Variants in FER observed in about 807,000 individuals in gnomAD.
FER encodes tyrosine-protein kinase Fer.
Under a neutral mutation model 111.0 loss-of-function variants are expected in FER, and 63 were observed. The observed-to-expected ratio is 0.57, with a 90% confidence interval of 0.46 to 0.70. The LOEUF (loss-of-function observed/expected upper bound fraction) is 0.70, where lower values mean the gene tolerates loss of function less well. Among genes scored for constraint, FER ranks in the 30% least tolerant of loss-of-function variants. FER has a pLI of 0.00. For synonymous variants in FER, 327 were observed against 313.9 expected, an observed-to-expected ratio of 1.04 and a Z score of -0.44; for missense variants, 914 against 954.0, an observed-to-expected ratio of 0.96 and a Z score of 0.55.
At chr5:108,827,845 C>G (rs1308664121) in intron 3 of FER, among the ~76,000 whole-genome samples, 2 of 137,244 alleles carry the variant, frequency 1.5e-5, no homozygotes, top group East Asian at 2.0e-4. Context: ...TTTTTTTCCC[C>G]CAAGACAGGC....
At chr5:108,883,607 T>G in intron 9 of FER, 89 bp downstream of exon 9, 1 of 1,157,056 alleles carries the variant, frequency 8.6e-7, no homozygotes. Flanking sequence ...GAACCTAACA[T>G]TTCTAGAAAC....
At chr5:108,997,416 CAA>C (rs552848111) in intron 13 of FER, among the ~76,000 whole-genome samples, 1,555 of 107,966 alleles carry the variant, frequency 0.014, 21 homozygotes, top group African/African-American at 0.045. Context: ...GACCCTGTCT[CAA>C]AAAAAAAAAA....
intron 7 of FER, 59 bp from the exon 8 acceptor site, chr5:108,872,034 G>A: frequency 2.0e-6 from 3 of 1,507,124 alleles, no homozygotes; most frequent in African/African-American, 2.8e-5. Context: ...TAGTGTATAT[G>A]AAGATATATT....
chr5:108,935,306 C>A (rs1425157685), intron 10 of FER, among the ~76,000 whole-genome samples: 1 of 152,038 alleles, frequency 6.6e-6, no homozygotes, highest in Non-Finnish European at 1.5e-5. Context: ...TGCTGGAGAT[C>A]CTATCATTCC....
Position 108,910,909 on chromosome 5 carries a change from A to G in FER, c.1236+13061A>G, listed in dbSNP as rs1392537248. 1.3e-5 allele frequency among the ~76,000 whole-genome samples: 2 copies of G among 152,042 alleles called. 1 individual carries two copies. Among genetic ancestry groups the G allele is most frequent in the African/African-American group, 4.8e-5 (2 of 41,398 alleles). On this transcript the variant is annotated intron_variant, in intron 10 of 19. Coordinates refer to ENST00000281092, the MANE Select transcript of FER (RefSeq NM_005246.4). ...CAACTATTGGTGGATATTTAGGTTG[A>G]TTCCATGACTTTGCTATTGTGAAGA... is the stretch of plus-strand genomic sequence containing the variant.
chr5:109,057,993 G>T (rs1773863370), intron 16 of FER, among the ~76,000 whole-genome samples: 1 of 152,032 alleles, frequency 6.6e-6, no homozygotes, highest in South Asian at 2.1e-4. Context: ...TTTTAACAAA[G>T]CAAATTTAAC....
At position 109,191,717 on chromosome 5, in the gene FER, T is replaced by C. The variant is rs367955338; in HGVS notation, c.*4142T>C. On this transcript the variant is annotated 3_prime_UTR_variant, in exon 20 of 20. Transcript: ENST00000281092. Reference sequence around the variant, plus strand: ...TTTATGACTAACTCTGATTTGCTTATACATATCAGAATGATATTCATTAAA... The same window carrying C: ...TTTATGACTAACTCTGATTTGCTTACACATATCAGAATGATATTCATTAAA... 10 of 152,334 alleles carry C rather than the reference T, an allele frequency of 6.6e-5. No homozygotes were observed. In the East Asian group the frequency reaches 7.7e-4, roughly 12 times the overall value. The allele number at this position is 152,334 out of a possible 1,614,324, so 9.4% of individuals were successfully genotyped here. A position where few individuals can be genotyped will look rare whatever the true frequency, so the allele number is the denominator to read the frequency against.
intron 17 of FER, among the ~76,000 whole-genome samples, chr5:109,109,265 C>T (rs1442081343): frequency 6.6e-6 from 1 of 152,096 alleles, no homozygotes; most frequent in East Asian, 1.9e-4. Flanking sequence ...CTTACTATCA[C>T]CTGTTTATTT....
chr5:109,135,936 C>T (rs534394344), intron 17 of FER, among the ~76,000 whole-genome samples: 1 of 152,102 alleles, frequency 6.6e-6, no homozygotes, highest in Non-Finnish European at 1.5e-5. Context: ...CCGGGCCATC[C>T]CAGGTCTACC....
chr5:109,047,156 A>C lies in FER; in HGVS notation c.1882A>C (p.Thr628Pro), dbSNP rs1288310881. ...TATTGTCAAACTTATAGGAGTTTGC[A>C]CACAAAGACAGCCTGTCTACATCAT... ...PNIVKLIGVC[T>P]QRQPVYIIME... Residue 628 changes from threonine to proline, a missense_variant, in exon 16 of 20, where the codon ACA (threonine) becomes CCA (proline). Coordinates refer to ENST00000281092, the MANE Select transcript of FER (RefSeq NM_005246.4). 4.3e-6 allele frequency: 7 copies of C among 1,609,360 alleles called. No individual in the cohort carries two copies. The highest frequency in any genetic ancestry group is 1.3e-5 in the African/African-American group (1 of 74,606).
chr5:108,988,961 AAAGGTT>A (rs1323142435), intron 13 of FER, among the ~76,000 whole-genome samples: 1 of 152,138 alleles, frequency 6.6e-6, no homozygotes, highest in African/African-American at 2.4e-5. Context: ...GCTGTATCCC[AAAGGTT>A]TTGATACATT....
chr5:109,069,164 A>C (rs760553932), intron 16 of FER, among the ~76,000 whole-genome samples: 5 of 152,218 alleles, frequency 3.3e-5, no homozygotes, highest in African/African-American at 7.2e-5. Context: ...AAATCATACA[A>C]ATACAATACA....
intron 11 of FER, among the ~76,000 whole-genome samples, chr5:108,947,081 C>CT (rs1464626073): frequency 1.3e-5 from 2 of 151,968 alleles, no homozygotes; most frequent in Admixed American, 6.6e-5. Context: ...CACATATTGT[C>CT]TATCTATTCA....
chr5:108,914,965 G>A lies in FER; in HGVS notation c.1236+17117G>A, dbSNP rs1752066865. On this transcript the variant is annotated intron_variant, in intron 10 of 19. Coordinates refer to ENST00000281092, the MANE Select transcript of FER (RefSeq NM_005246.4). ...GGAATGGTGGTGGCTACAGGGTTTA[G>A]CAAGGACAAGGAGGATATGGGTTAG... 2.0e-5 allele frequency among the ~76,000 whole-genome samples: 3 copies of A among 152,188 alleles called. No individual in the cohort carries two copies. The South Asian group carries it at 6.2e-4, about 32-fold the overall frequency.
At chr5:108,917,810 G>A (rs928406814) in intron 10 of FER, among the ~76,000 whole-genome samples, 1 of 152,200 alleles carries the variant, frequency 6.6e-6, no homozygotes, top group African/African-American at 2.4e-5. Flanking sequence ...GGAGCATGAT[G>A]TCACCAACTC....
chr5:109,013,235 C>A lies in FER; in HGVS notation c.1657-24187C>A, dbSNP rs2149808627. ...CTAATGCTATCCCTCCCCCCTCCCCCCACCCCACAACAGTCCCCGAAGTGT... is the reference window on the plus strand; with the variant it reads ...CTAATGCTATCCCTCCCCCCTCCCCACACCCCACAACAGTCCCCGAAGTGT... On this transcript the variant is annotated intron_variant, in intron 13 of 19. Transcript: ENST00000281092. Among the ~76,000 whole-genome samples, 3 of 110,530 alleles carry A rather than the reference C, an allele frequency of 2.7e-5. 1 individual carries two copies. The Admixed American group carries it at 3.0e-4, about 11-fold the overall frequency. 72.5% of individuals were successfully genotyped at this position (110,530 alleles called of 152,430 possible). A position where few individuals can be genotyped will look rare whatever the true frequency, so the allele number is the denominator to read the frequency against.
chr5:108,820,423 C>G, intron 3 of FER: 1 of 985,360 alleles, frequency 1.0e-6, no homozygotes, highest in Non-Finnish European at 1.2e-6. Context: ...TTTCTGGTTA[C>G]TGTTCTTCAA....
At chr5:108,887,155 G>T (rs568636943) in intron 9 of FER, among the ~76,000 whole-genome samples, 5 of 151,362 alleles carry the variant, frequency 3.3e-5, no homozygotes, top group Non-Finnish European at 7.4e-5. Flanking sequence ...CTTCCTAAAT[G>T]TCAAAAATAG....
At position 108,767,789 on chromosome 5, in the gene FER, A is replaced by G. The variant is rs13190574; in HGVS notation, c.-205-304A>G. 7.7e-3 allele frequency among the ~76,000 whole-genome samples: 1,174 copies of G among 152,288 alleles called. 8 individuals carry two copies. The highest frequency in any genetic ancestry group is 0.011 in the Non-Finnish European group (719 of 68,030). On this transcript the variant is annotated intron_variant, in intron 1 of 19. Coordinates refer to ENST00000281092, the MANE Select transcript of FER (RefSeq NM_005246.4). ...GAGCCACTGTGCCTGGTGTGTTTCA[A>G]ACTTGAAGTTAGTTTTATGATGTAA...
Sources: gnomAD v4.1 joint callset for allele counts (sites outside exome capture counted in the v4.1 genomes callset) on GRCh38, gnomAD v4.1.1 for gene constraint, MANE v1.5 for transcripts, NCBI Gene and HGNC (gene_info 2026-07-23, HGNC 2026-07-21) for gene names.